Variants in CD109 observed in about 807,000 individuals in gnomAD.
CD109 encodes the protein CD109 antigen.
CD109 carries 149 observed loss-of-function variants against 165.8 expected under a neutral mutation model. That is an observed-to-expected ratio of 0.90 (90% confidence interval 0.79 to 1.03). The LOEUF (loss-of-function observed/expected upper bound fraction) is 1.03. Ranked by LOEUF, CD109 falls within the 50% of genes least tolerant of loss-of-function variation. CD109 has a pLI of 0.00. For missense variants in CD109, 1,712 were observed against 1,677.8 expected, an observed-to-expected ratio of 1.02 and a Z score of -0.36; for synonymous variants, 585 against 592.1, an observed-to-expected ratio of 0.99 and a Z score of 0.18.
intron 6 of CD109, among the ~76,000 whole-genome samples, chr6:73,757,348 A>G (rs1245603192): frequency 6.6e-6 from 1 of 152,136 alleles, no homozygotes; most frequent in Admixed American, 6.5e-5. Context: ...TGTTGTTACT[A>G]CTCAATTTTG....
At chr6:73,693,901 T>C (rs1052550953), upstream of CD109, 2 of 152,252 alleles carry the variant, frequency 1.3e-5, no homozygotes, top group African/African-American at 4.8e-5. Context: ...CTTTTTTTTT[T>C]TGAGACGGAG....
chr6:73,689,513 G>A, the CD109 span, among the ~76,000 whole-genome samples: 3 of 152,152 alleles, frequency 2.0e-5, no homozygotes, highest in African/African-American at 4.8e-5. Context: ...GTTATATTGA[G>A]TGTATAAAAG....
intron 28 of CD109, 59 bp downstream of exon 28, chr6:73,811,206 C>T: frequency 6.5e-7 from 1 of 1,530,956 alleles, no homozygotes; most frequent in South Asian, 1.2e-5. Context: ...TGCTGGAATA[C>T]TGCTTTATTT....
At chr6:73,771,350 T>G in intron 14 of CD109, 79 bp from the exon 15 acceptor site, 1 of 1,114,280 alleles carries the variant, frequency 9.0e-7, no homozygotes, top group Non-Finnish European at 1.3e-6. Context: ...TTGCTATATT[T>G]TGGGCCAGTG....
At chr6:73,785,545 G>A in intron 20 of CD109, 68 bp downstream of exon 20, 1 of 817,658 alleles carries the variant, frequency 1.2e-6, no homozygotes, top group Non-Finnish European at 2.0e-6. Flanking sequence ...TGAAGGGATT[G>A]GGTTGTGTAG....
chr6:73,770,902 T>G (rs1774009818), intron 14 of CD109, among the ~76,000 whole-genome samples: 1 of 152,138 alleles, frequency 6.6e-6, no homozygotes, highest in Non-Finnish European at 1.5e-5. Context: ...TAGAAGGCCA[T>G]GGAGACAGAG....
intron 7 of CD109, 35 bp downstream of exon 7, chr6:73,759,063 C>A: frequency 1.5e-6 from 2 of 1,338,020 alleles, no homozygotes; most frequent in Non-Finnish European, 1.1e-6. Flanking sequence ...TGACTCAAAA[C>A]CATTATAAAA....
At chr6:73,791,170 TATATATACACACAC>T (rs1562070988) in intron 22 of CD109, among the ~76,000 whole-genome samples, 13 of 39,150 alleles carry the variant, frequency 3.3e-4, no homozygotes, top group African/African-American at 1.2e-3. Context: ...TATATATATA[TATATATACACACAC>T]ACACATACAT....
At chr6:73,737,079 T>C (rs1170431452) in intron 5 of CD109, among the ~76,000 whole-genome samples, 1 of 152,198 alleles carries the variant, frequency 6.6e-6, no homozygotes, top group African/African-American at 2.4e-5. Context: ...GAATGAGACA[T>C]AAACACAATG....
At chr6:73,793,756 C>T (rs1372363263) in intron 23 of CD109, among the ~76,000 whole-genome samples, 3 of 152,160 alleles carry the variant, frequency 2.0e-5, no homozygotes, top group Non-Finnish European at 4.4e-5. Flanking sequence ...TATTAGTGGA[C>T]CTCTAGCACA....
At chr6:73,715,223 G>C (rs926283917) in intron 2 of CD109, among the ~76,000 whole-genome samples, 14 of 152,128 alleles carry the variant, frequency 9.2e-5, no homozygotes, top group African/African-American at 3.4e-4. Context: ...TCGTGCCACT[G>C]CACTCCAGCC....
chr6:73,764,423 A>G (rs1413787944), intron 10 of CD109, among the ~76,000 whole-genome samples: 2 of 152,230 alleles, frequency 1.3e-5, no homozygotes, highest in East Asian at 3.8e-4. Context: ...CAATTTATAA[A>G]TAAGTGAGAG....
At chr6:73,776,543 C>G (rs528682664) in intron 15 of CD109, among the ~76,000 whole-genome samples, 1 of 144,726 alleles carries the variant, frequency 6.9e-6, no homozygotes, top group Non-Finnish European at 1.5e-5. Context: ...TGAGCCACCA[C>G]GCAAGTGGCC....
chr6:73,792,670 C>A lies in CD109; in HGVS notation c.2746C>A (p.Arg916=). Residue 916 remains arginine, a synonymous_variant, in exon 23 of 33, where the codon CGG becomes AGG. Coordinates refer to ENST00000287097, the MANE Select transcript of CD109 (RefSeq NM_133493.5). ...PSINGLASLI[R]MPYGCGEQNM... is the part of the protein sequence containing the mutation. ...CATCAATGGCTTAGCCTCATTGATT[C>A]GGATGCCTTATGGCTGTGGTGAACA... 6.2e-7 allele frequency: 1 copy of A among 1,613,252 alleles called. No homozygotes were observed. Among genetic ancestry groups the A allele is most frequent in the Non-Finnish European group, 8.5e-7 (1 of 1,179,904 alleles).
intron 5 of CD109, among the ~76,000 whole-genome samples, chr6:73,755,506 T>C (rs1197205482): frequency 2.6e-5 from 4 of 152,180 alleles, no homozygotes; most frequent in African/African-American, 9.7e-5. Context: ...TAACCAAGGG[T>C]ACTTGTTAAC....
intron 24 of CD109, among the ~76,000 whole-genome samples, chr6:73,804,601 G>C (rs1407835474): frequency 1.3e-5 from 2 of 152,202 alleles, no homozygotes; most frequent in African/African-American, 4.8e-5. Context: ...TATTTGGCTT[G>C]AGGGCCAGAT....
chr6:73,797,047 T>A (rs1334662397), intron 23 of CD109, among the ~76,000 whole-genome samples: 1 of 152,216 alleles, frequency 6.6e-6, no homozygotes, highest in Non-Finnish European at 1.5e-5. Flanking sequence ...ATACTGTAGT[T>A]GTTTTTATTT....
intron 16 of CD109, among the ~76,000 whole-genome samples, chr6:73,780,965 T>A (rs1774467439): frequency 6.7e-6 from 1 of 150,300 alleles, no homozygotes; most frequent in South Asian, 2.1e-4. Flanking sequence ...GATCAATGTG[T>A]ATGTGCGTGT....
At chr6:73,753,747 A>G (rs1773282851) in intron 5 of CD109, among the ~76,000 whole-genome samples, 1 of 152,172 alleles carries the variant, frequency 6.6e-6, no homozygotes, top group African/African-American at 2.4e-5. Context: ...GGCAGAGTTA[A>G]GGTTACTCTG....
Sources: allele counts gnomAD v4.1 joint callset (sites outside exome capture counted in the v4.1 genomes callset), GRCh38; gene constraint gnomAD v4.1.1; transcripts MANE v1.5; gene names NCBI Gene and HGNC (gene_info 2026-07-23, HGNC 2026-07-21).